ABCC1: variants seen among roughly 807,000 people sequenced by gnomAD.
The protein encoded by ABCC1 is multidrug resistance-associated protein 1.
In ABCC1, 83 loss-of-function variants were observed where a neutral mutation model predicts 172.9. The observed-to-expected ratio is 0.48, with a 90% CI of 0.40 to 0.58. The LOEUF (loss-of-function observed/expected upper bound fraction) is 0.58, where lower values mean the gene tolerates loss of function less well. ABCC1 is among the 20% of genes least tolerant of loss of function. ABCC1 has a pLI of 0.00. For synonymous variants in ABCC1, 937 were observed against 825.2 expected (o/e 1.14, Z -2.32); for missense variants, 1,817 against 2,002.7 (o/e 0.91, Z 1.77).
At chr16:16,009,386 G>A (rs1051112509) in intron 2 of ABCC1, among the ~76,000 whole-genome samples, 3 of 152,082 alleles carry the variant, frequency 2.0e-5, no homozygotes, top group East Asian at 1.9e-4. Flanking sequence ...TATCCCACCC[G>A]TAGAGGGCTC....
intron 2 of ABCC1, among the ~76,000 whole-genome samples, chr16:16,009,018 A>G (rs1255204548): frequency 6.7e-6 from 1 of 150,240 alleles, no homozygotes; most frequent in African/African-American, 2.5e-5. Context: ...TGGTATGATC[A>G]CAGCATACTG....
At chr16:16,003,944 TG>T (rs141828085) in intron 1 of ABCC1, among the ~76,000 whole-genome samples, 18 of 134,794 alleles carry the variant, frequency 1.3e-4, no homozygotes, top group Middle Eastern at 4.2e-3. Context: ...ATGAATTGGT[TG>T]GGGGGGGTGG....
intron 1 of ABCC1, among the ~76,000 whole-genome samples, chr16:15,954,888 C>T (rs1042792404): frequency 6.6e-6 from 1 of 152,156 alleles, no homozygotes; most frequent in Non-Finnish European, 1.5e-5. Flanking sequence ...TCCTAAAGAA[C>T]GTGAGCTTCC....
chr16:16,048,070 G>C, intron 9 of ABCC1, 72 bp from the exon 10 acceptor site: 1 of 1,541,568 alleles, frequency 6.5e-7, no homozygotes, highest in Non-Finnish European at 8.9e-7. Context: ...CTTCCTCTCC[G>C]TGGGTCTGGA....
intron 10 of ABCC1, 102 bp downstream of exon 10, chr16:16,048,405 C>A (rs2049302903): frequency 7.5e-7 from 1 of 1,342,142 alleles, no homozygotes. Context: ...ATGTAGAGCT[C>A]CCTGGCAGTT....
chr16:15,953,538 A>G (rs1416336416), intron 1 of ABCC1, among the ~76,000 whole-genome samples: 1 of 152,204 alleles, frequency 6.6e-6, no homozygotes, highest in Non-Finnish European at 1.5e-5. Flanking sequence ...GACTTGAGGA[A>G]TAAGTGAGTT....
Position 16,114,704 on chromosome 16 carries a change from C to T in ABCC1, c.3080-62C>T, listed in dbSNP as rs2044771948. 6 of 1,502,114 alleles carry T rather than the reference C, an allele frequency of 4.0e-6. No homozygotes were observed. The East Asian group carries it at 9.2e-5, about 23-fold the overall frequency. The allele number at this position is 1,502,114 out of a possible 1,614,324, so 93.0% of individuals were successfully genotyped here. ...CTGCCTCGTCCACATGGCCACTCCT[C>T]CCTGCAGTGCCTGGTCAGCTCCCTC... On this transcript the variant is annotated intron_variant, in intron 22 of 30. Coordinates refer to ENST00000399410, the MANE Select transcript of ABCC1 (RefSeq NM_004996.4).
intron 1 of ABCC1, among the ~76,000 whole-genome samples, chr16:15,976,024 G>C (rs1321685536): frequency 1.3e-5 from 2 of 152,004 alleles, no homozygotes; most frequent in African/African-American, 4.8e-5. Context: ...CCAGCACTTT[G>C]GGAGGCTGAG....
chr16:16,064,589 A>C lies in ABCC1; in HGVS notation c.1678-3567A>C, dbSNP rs45534233. ...GCATCGATTGGTACTTGGCTCACCA[A>C]GGGGGCTGGTACGTTTTGGTGGTGA... is the stretch of plus-strand genomic sequence containing the variant. On this transcript the variant is annotated intron_variant, in intron 12 of 30. Coordinates refer to ENST00000399410, the MANE Select transcript of ABCC1 (RefSeq NM_004996.4). Among the ~76,000 whole-genome samples, 271 of 152,326 alleles carry C rather than the reference A, an allele frequency of 1.8e-3. 1 individual carries two copies. Among genetic ancestry groups the C allele is most frequent in the African/African-American group, 6.3e-3 (261 of 41,584 alleles).
At chr16:15,979,222 C>T (rs45583738) in intron 1 of ABCC1, among the ~76,000 whole-genome samples, 3,396 of 151,914 alleles carry the variant, frequency 0.022, 146 homozygotes, top group African/African-American at 0.078. Context: ...ACCTGGGAGG[C>T]GGAGGTTGCA....
intron 13 of ABCC1, 34 bp downstream of exon 13, chr16:16,068,336 G>A (rs750888791): frequency 1.9e-6 from 3 of 1,610,700 alleles, no homozygotes; most frequent in Admixed American, 1.7e-5. Flanking sequence ...TTCCGAGAGG[G>A]GGCCTTGGGG....
At chr16:16,048,103 T>C in intron 9 of ABCC1, 39 bp from the exon 10 acceptor site, 1 of 1,609,996 alleles carries the variant, frequency 6.2e-7, no homozygotes, top group Non-Finnish European at 8.5e-7. Flanking sequence ...CCTCTTCAGC[T>C]GCCACACTCA....
At chr16:16,098,736 T>A in intron 19 of ABCC1, 1 of 720,760 alleles carries the variant, frequency 1.4e-6, no homozygotes, top group Admixed American at 2.1e-5. Flanking sequence ...GACGCACAAA[T>A]GGAGCAGACC....
At chr16:15,993,109 T>TC (rs1597081604) in intron 1 of ABCC1, among the ~76,000 whole-genome samples, 2 of 152,214 alleles carry the variant, frequency 1.3e-5, no homozygotes, top group Admixed American at 6.5e-5. Flanking sequence ...CTGTGAGCTT[T>TC]CATCTTTGAT....
intron 13 of ABCC1, among the ~76,000 whole-genome samples, chr16:16,068,523 TTAATGCAGCAGGGCTTTC>T (rs2151950118): frequency 6.6e-6 from 1 of 152,310 alleles, no homozygotes; most frequent in Admixed American, 6.5e-5. Flanking sequence ...TGAATCAAGT[TTAATGCAGCAGGGCTTTC>T]CCATGCTCTG....
At chr16:16,120,124 G>T (rs1294442867) in intron 23 of ABCC1, among the ~76,000 whole-genome samples, 9 of 152,086 alleles carry the variant, frequency 5.9e-5, no homozygotes, top group Non-Finnish European at 1.2e-4. Flanking sequence ...GCCAACCACA[G>T]AGGCCTTGTA....
intron 1 of ABCC1, among the ~76,000 whole-genome samples, chr16:15,984,974 A>G (rs1462106867): frequency 4.0e-5 from 6 of 151,892 alleles, no homozygotes; most frequent in Admixed American, 3.9e-4. Flanking sequence ...GTGGTGGCAT[A>G]CACCTGTGGT....
At chr16:16,098,907 G>A (rs2051602762) in intron 19 of ABCC1, 1 of 1,352,082 alleles carries the variant, frequency 7.4e-7, no homozygotes, top group Non-Finnish European at 9.8e-7. Context: ...AAGCAGGTCA[G>A]TACTGCCCGG....
intron 17 of ABCC1, among the ~76,000 whole-genome samples, chr16:16,083,812 C>T (rs187685449): frequency 1.3e-5 from 2 of 152,220 alleles, no homozygotes; most frequent in Admixed American, 1.3e-4. Context: ...GCAGCAGAGG[C>T]CCAAGATAGG....
Sources: allele counts gnomAD v4.1 joint callset (sites outside exome capture counted in the v4.1 genomes callset), GRCh38; gene constraint gnomAD v4.1.1; transcripts MANE v1.5; gene names NCBI Gene and HGNC (gene_info 2026-07-23, HGNC 2026-07-21).